Variants in PARP9 observed in about 807,000 individuals in gnomAD.
PARP9 encodes the protein protein mono-ADP-ribosyltransferase PARP9.
Under a neutral mutation model 68.8 loss-of-function variants are expected in PARP9, and 48 were observed. That is an observed-to-expected ratio of 0.70 (90% CI 0.55 to 0.89). The LOEUF is 0.89. Among genes scored for constraint, PARP9 ranks in the 40% least tolerant of loss-of-function variants. The pLI is 0.00. For missense variants in PARP9, 806 were observed against 969.3 expected (o/e 0.83, Z 2.24); for synonymous variants, 309 against 333.8 (o/e 0.93, Z 0.81).
chr3:122,558,056 C>T (rs968127597), intron 3 of PARP9, among the ~76,000 whole-genome samples: 3 of 152,220 alleles, frequency 2.0e-5, no homozygotes, highest in Admixed American at 2.0e-4. Flanking sequence ...TAGTCAGGCC[C>T]TATTGGCCTG....
In PARP9 at chr3:122,536,927, G is replaced by A. The variant is rs2077688447; in HGVS notation, c.1905+7C>T. 6.2e-7 allele frequency: 1 copy of A among 1,603,654 alleles called. No individual in the cohort carries two copies. The highest frequency in any genetic ancestry group is 1.1e-5 in the South Asian group (1 of 88,382). On this transcript the variant is annotated splice_region_variant and intron_variant, in intron 9 of 10. Transcript: ENST00000682323. ...ATGAGCCAAATCTTCCCCTTTGTTA[G>A]GTATACCTTTAGAACCTGCAAACCA...
chr3:122,564,536 G>A, upstream of PARP9: 1 of 1,610,974 alleles, frequency 6.2e-7, no homozygotes. Context: ...AAGTCCTCGG[G>A]CGGCGGGGAG....
chr3:122,536,580 C>T, intron 9 of PARP9: 2 of 697,208 alleles, frequency 2.9e-6, no homozygotes, highest in South Asian at 4.5e-5. Context: ...AATTCACTGA[C>T]CTAGACATAG....
chr3:122,538,354 T>A (rs2077813211), intron 8 of PARP9, among the ~76,000 whole-genome samples: 1 of 152,092 alleles, frequency 6.6e-6, no homozygotes, highest in South Asian at 2.1e-4. Flanking sequence ...GGATTAAGAG[T>A]GGCATAAAAG....
chr3:122,529,349 C>A (rs1430336305), intron 10 of PARP9, among the ~76,000 whole-genome samples: 3 of 151,382 alleles, frequency 2.0e-5, no homozygotes, highest in Non-Finnish European at 4.4e-5. Context: ...AGTAACTCCA[C>A]GTAAAAGACA....
intron 8 of PARP9, among the ~76,000 whole-genome samples, 160 bp from the exon 9 acceptor site, chr3:122,537,233 C>A (rs1188274495): frequency 6.6e-6 from 1 of 152,034 alleles, no homozygotes; most frequent in Admixed American, 6.6e-5. Flanking sequence ...ATACTACGAG[C>A]GGTCAGGATA....
In PARP9 at chr3:122,555,649, A is replaced by G; in HGVS notation, c.522T>C (p.Cys174=). The G allele has an allele frequency of 6.2e-7, 1 of 1,614,128 alleles. No homozygotes were observed. Among genetic ancestry groups the G allele is most frequent in the Non-Finnish European group, 8.5e-7 (1 of 1,180,022 alleles). ...PRWMEWDKQG[C]TGKLQRAIVS... is the part of the protein sequence containing the mutation. Reference sequence around the variant, plus strand: ...CAATGGCCCTCTGCAGCTTTCCAGTACATCCCTGTTTATCCCATTCCATCC... The same window carrying G: ...CAATGGCCCTCTGCAGCTTTCCAGTGCATCCCTGTTTATCCCATTCCATCC... Residue 174 remains cysteine, a synonymous_variant, in exon 4 of 11, where the codon TGT becomes TGC. Coordinates refer to ENST00000682323, the MANE Select transcript of PARP9 (RefSeq NM_001146105.2).
At chr3:122,553,932 C>T (rs574001726) in intron 4 of PARP9, among the ~76,000 whole-genome samples, 5 of 152,220 alleles carry the variant, frequency 3.3e-5, no homozygotes, top group African/African-American at 7.2e-5. Context: ...AGGTGCTCTC[C>T]GTCTAGCAGG....
rs189993944 is a variant in PARP9 at position 122,535,251 on chromosome 3, G to A, written c.2080+917C>T. 12 of 985,274 alleles carry A rather than the reference G, an allele frequency of 1.2e-5. No individual in the cohort carries two copies. In the African/African-American group the frequency reaches 1.6e-4, roughly 13 times the overall value. 61.0% of individuals were successfully genotyped at this position (985,274 alleles called of 1,614,324 possible). Reference sequence around the variant, plus strand: ...GATTGCCCCAAAAGGCTTCTTGGTAGGGATTCATTTCTCTATTTTTATCCC... The same window carrying A: ...GATTGCCCCAAAAGGCTTCTTGGTAAGGATTCATTTCTCTATTTTTATCCC... On this transcript the variant is annotated intron_variant, in intron 10 of 10. Coordinates refer to ENST00000682323, the MANE Select transcript of PARP9 (RefSeq NM_001146105.2).
chr3:122,533,719 A>G (rs558896675), intron 10 of PARP9: 1 of 985,456 alleles, frequency 1.0e-6, no homozygotes, highest in South Asian at 4.7e-5. Context: ...GCATGTGTAG[A>G]TGCCTTCTTG....
chr3:122,550,491 C>A, intron 6 of PARP9, 93 bp downstream of exon 6: 1 of 1,051,668 alleles, frequency 9.5e-7, no homozygotes, highest in Non-Finnish European at 1.4e-6. Context: ...AGCCCTGCAT[C>A]CCCTGCATCT....
intron 3 of PARP9, 42 bp from the exon 4 acceptor site, chr3:122,556,163 A>AAAAAAAAAAAAAAAAAAAAC (rs2079638299): frequency 9.6e-7 from 1 of 1,042,540 alleles, no homozygotes; most frequent in Non-Finnish European, 1.3e-6. Context: ...AAAAAAAAAA[A>AAAAAAAAAAAAAAAAAAAAC]AAAAAAAAAA....
intron 6 of PARP9, chr3:122,545,816 T>C (rs1382061941): frequency 7.3e-6 from 2 of 274,138 alleles, no homozygotes; most frequent in Non-Finnish European, 1.4e-5. Flanking sequence ...AAGCTGTGGA[T>C]ATGTCACTGA....
chr3:122,535,415 A>G lies in PARP9; in HGVS notation c.2080+753T>C. ...GACTCCTCAGCAAGGATCATGCTAC[A>G]TATGTTGAAAGATAAAGATCAAGAG... On this transcript the variant is annotated intron_variant, in intron 10 of 10. Coordinates refer to ENST00000682323, the MANE Select transcript of PARP9 (RefSeq NM_001146105.2). 4 of 985,452 alleles carry G rather than the reference A, an allele frequency of 4.1e-6. No individual in the cohort carries two copies. In the South Asian group the frequency reaches 1.9e-4, roughly 46 times the overall value. The allele number at this position is 985,452 out of a possible 1,614,324, so 61.0% of individuals were successfully genotyped here.
chr3:122,543,301 C>G (rs1487825290), intron 7 of PARP9, among the ~76,000 whole-genome samples: 1 of 151,220 alleles, frequency 6.6e-6, no homozygotes, highest in Admixed American at 6.6e-5. Context: ...TTTTTTGAGA[C>G]AGTTTCCCTC....
chr3:122,553,634 C>A (rs1034104318), intron 4 of PARP9, among the ~76,000 whole-genome samples: 1 of 152,068 alleles, frequency 6.6e-6, no homozygotes, highest in African/African-American at 2.4e-5. Flanking sequence ...CATGAACTCC[C>A]CTCAGTCTTC....
intron 6 of PARP9, 94 bp from the exon 7 acceptor site, chr3:122,545,583 A>T: frequency 1.7e-6 from 2 of 1,188,428 alleles, no homozygotes; most frequent in South Asian, 1.2e-5. Flanking sequence ...ACTTGACTTC[A>T]TCCACTCTGT....
chr3:122,530,900 C>T (rs1280894568), intron 10 of PARP9, among the ~76,000 whole-genome samples: 3 of 151,988 alleles, frequency 2.0e-5, no homozygotes, highest in Non-Finnish European at 4.4e-5. Context: ...CAATCTCTAC[C>T]AAAAATAAAA....
chr3:122,530,443 C>A (rs1180634355), intron 10 of PARP9, among the ~76,000 whole-genome samples: 1 of 152,114 alleles, frequency 6.6e-6, no homozygotes, highest in Non-Finnish European at 1.5e-5. Context: ...GACTGTGATA[C>A]TAAGGAAGAT....
Sources: allele counts gnomAD v4.1 joint callset (sites outside exome capture counted in the v4.1 genomes callset), GRCh38; gene constraint gnomAD v4.1.1; transcripts MANE v1.5; gene names NCBI Gene and HGNC (gene_info 2026-07-23, HGNC 2026-07-21).